Variants in GALNT18 observed in about 807,000 individuals in gnomAD.
GALNT18 encodes GalNAc-transferase 18.
A neutral mutation model predicts 69.5 loss-of-function variants in GALNT18; 44 were observed. That is an observed-to-expected ratio of 0.63 (90% CI 0.50 to 0.81). The LOEUF (loss-of-function observed/expected upper bound fraction) is 0.81, where lower values mean the gene tolerates loss of function less well. Ranked by LOEUF, GALNT18 falls within the 40% of genes least tolerant of loss-of-function variation. The pLI is 0.00. For missense variants in GALNT18, 715 were observed against 810.0 expected, an observed-to-expected ratio of 0.88 and a Z score of 1.42; for synonymous variants, 364 against 318.2, an observed-to-expected ratio of 1.14 and a Z score of -1.53.
Position 11,461,643 on chromosome 11 carries a change from ACAGTGTTCC to A in GALNT18, c.236-12716_236-12708del, listed in dbSNP as rs1237537268. 1.3e-5 allele frequency among the ~76,000 whole-genome samples: 2 copies of A among 152,176 alleles called. No individual in the cohort carries two copies. The highest frequency in any genetic ancestry group is 2.9e-5 in the Non-Finnish European group (2 of 68,034). ...ATACACTACACTGTTCACACATAAAACAGTGTTCCCAGTGTTTCCACACATCAATCTATT... is the reference window on the plus strand; with the variant it reads ...ATACACTACACTGTTCACACATAAAACAGTGTTTCCACACATCAATCTATT... On this transcript the variant is annotated intron_variant, in intron 1 of 10. Coordinates refer to ENST00000227756, the MANE Select transcript of GALNT18 (RefSeq NM_198516.3). This position sits in a 1 kb window ranked among gnomAD's most constrained non-coding sequence, Gnocchi z 4.1.
chr11:11,542,625 T>C lies in GALNT18; in HGVS notation c.235+78734A>G, dbSNP rs551062972. ...ATGTAGAGTAAAGAGGTCAAGAACA[T>C]TGATTCTGGACTTAGGCAGCATGGG... is the stretch of plus-strand genomic sequence containing the variant. On this transcript the variant is annotated intron_variant, in intron 1 of 10. Transcript: ENST00000227756. The surrounding 1 kb of genome is among the most constrained non-coding windows in gnomAD (Gnocchi z 4.3). 1.1e-4 allele frequency among the ~76,000 whole-genome samples: 16 copies of C among 152,358 alleles called. No homozygotes were observed. The highest frequency in any genetic ancestry group is 3.8e-4 in the African/African-American group (16 of 41,586).
At position 11,586,497 on chromosome 11, in the gene GALNT18, A is replaced by G. The variant is rs1433199168; in HGVS notation, c.235+34862T>C. On this transcript the variant is annotated intron_variant, in intron 1 of 10. Transcript: ENST00000227756. This position sits in a 1 kb window ranked among gnomAD's most constrained non-coding sequence, Gnocchi z 4.1. ...AAATTCTACCTGTTCAGGGCCCAGC[A>G]TCCATAACTAGCCCCAGTTTCAGCC... Among the ~76,000 whole-genome samples, 1 of 152,176 alleles carries G rather than the reference A, an allele frequency of 6.6e-6. No homozygotes were observed. Among genetic ancestry groups the G allele is most frequent in the African/African-American group, 2.4e-5 (1 of 41,444 alleles).
At chr11:11,326,687 C>G (rs892610136) in intron 9 of GALNT18, among the ~76,000 whole-genome samples, 1 of 152,200 alleles carries the variant, frequency 6.6e-6, no homozygotes, top group African/African-American at 2.4e-5. Flanking sequence ...TGCCATGGTA[C>G]TCTGAAGGGA....
chr11:11,317,234 A>T (rs777877396), intron 9 of GALNT18, among the ~76,000 whole-genome samples: 4 of 152,244 alleles, frequency 2.6e-5, no homozygotes, highest in Non-Finnish European at 5.9e-5. Flanking sequence ...AGACCTGGGA[A>T]TATCACAACG....
intron 5 of GALNT18, among the ~76,000 whole-genome samples, chr11:11,376,040 C>T (rs540429401): frequency 2.0e-5 from 3 of 152,282 alleles, no homozygotes; most frequent in East Asian, 1.9e-4. Flanking sequence ...TGTTTTATAA[C>T]GGGCAGGACT....
rs1023078041 is a variant in GALNT18 at position 11,511,924 on chromosome 11, C to T, written c.236-62988G>A. Among the ~76,000 whole-genome samples, 4 of 152,076 alleles carry T rather than the reference C, an allele frequency of 2.6e-5. No homozygotes were observed. Among genetic ancestry groups the T allele is most frequent in the African/African-American group, 9.7e-5 (4 of 41,402 alleles). The stretch of plus-strand genomic sequence containing the variant: ...TTTGTAAGCCATCCACTCTATGGTG[C>T]TTTGTTACAGCAGCTCAAACTGATC... On this transcript the variant is annotated intron_variant, in intron 1 of 10. Transcript: ENST00000227756. This position sits in a 1 kb window ranked among gnomAD's most constrained non-coding sequence, Gnocchi z 4.9.
In GALNT18 at chr11:11,270,973, A is replaced by G. The variant is rs981293599; in HGVS notation, c.*171T>C. ...TTTGATATCATACCATCACCTACCA[A>G]TCAGCATCTTTCTATAAACTCCATG... is the stretch of plus-strand genomic sequence containing the variant. On this transcript the variant is annotated 3_prime_UTR_variant, in exon 11 of 11. Coordinates refer to ENST00000227756, the MANE Select transcript of GALNT18 (RefSeq NM_198516.3). The G allele has an allele frequency of 1.1e-5, 6 of 549,746 alleles. No homozygotes were observed. The highest frequency in any genetic ancestry group is 1.9e-5 in the Non-Finnish European group (6 of 315,624). The allele number at this position is 549,746 out of a possible 1,614,324, so 34.1% of individuals were successfully genotyped here. A position where few individuals can be genotyped will look rare whatever the true frequency, so the allele number is the denominator to read the frequency against.
intron 6 of GALNT18, among the ~76,000 whole-genome samples, chr11:11,357,787 A>G (rs1036227248): frequency 3.9e-5 from 6 of 152,202 alleles, no homozygotes; most frequent in East Asian, 1.9e-4. Context: ...TCACTAGAAT[A>G]TAAGTTCTAT....
chr11:11,308,506 T>C (rs1417246716), intron 9 of GALNT18, among the ~76,000 whole-genome samples: 1 of 152,094 alleles, frequency 6.6e-6, no homozygotes, highest in Non-Finnish European at 1.5e-5. Context: ...CCCAGTATCA[T>C]TCCAGGATGG....
At chr11:11,301,553 C>A (rs1218962073) in intron 9 of GALNT18, among the ~76,000 whole-genome samples, 1 of 152,202 alleles carries the variant, frequency 6.6e-6, no homozygotes, top group Admixed American at 6.5e-5. Context: ...GCACCATTCT[C>A]CATTAGTGTG....
chr11:11,327,107 G>A lies in GALNT18; in HGVS notation c.1491C>T (p.Ile497=), dbSNP rs775672652. The change falls in exon 9 of 11, where the codon ATC becomes ATT. Residue 497 remains isoleucine, a synonymous_variant. Coordinates refer to ENST00000227756, the MANE Select transcript of GALNT18 (RefSeq NM_198516.3). ...TCACCTGAGGCGTCATCCCATGGCA[G>A]ATGTACATGATGGGGACATTCTCTG... is the stretch of plus-strand genomic sequence containing the variant. ...PDTENVPIMY[I]CHGMTPQNVY... The A allele has an allele frequency of 2.0e-5, 33 of 1,613,368 alleles. No homozygotes were observed. Among genetic ancestry groups the A allele is most frequent in the African/African-American group, 2.7e-5 (2 of 74,900 alleles).
At chr11:11,519,152 A>G (rs1857342056) in intron 1 of GALNT18, among the ~76,000 whole-genome samples, 1 of 152,248 alleles carries the variant, frequency 6.6e-6, no homozygotes, top group South Asian at 2.1e-4. Context: ...CCTGCTCGCC[A>G]GGCCATAAGC....
At chr11:11,406,956 C>T (rs755371200) in intron 3 of GALNT18, among the ~76,000 whole-genome samples, 6 of 152,176 alleles carry the variant, frequency 3.9e-5, no homozygotes, top group African/African-American at 9.7e-5. Context: ...GGAGGGTTTG[C>T]ACTGAGGTGA....
intron 1 of GALNT18, among the ~76,000 whole-genome samples, chr11:11,466,653 G>C (rs993510562): frequency 4.6e-5 from 7 of 152,202 alleles, no homozygotes; most frequent in African/African-American, 1.7e-4. Context: ...TTTAAAGAAA[G>C]GGTCTGTGGC....
chr11:11,281,153 G>A (rs1315819310), intron 10 of GALNT18, among the ~76,000 whole-genome samples: 4 of 152,156 alleles, frequency 2.6e-5, no homozygotes, highest in South Asian at 2.1e-4. Context: ...AACCAGCCCC[G>A]CTCTCTAATT....
chr11:11,317,689 T>C (rs1295135318), intron 9 of GALNT18, among the ~76,000 whole-genome samples: 1 of 152,260 alleles, frequency 6.6e-6, no homozygotes, highest in Non-Finnish European at 1.5e-5. Context: ...GTAGGTTGTC[T>C]GTTTACTCTG....
chr11:11,486,697 G>T (rs1253626700), intron 1 of GALNT18, among the ~76,000 whole-genome samples: 1 of 152,218 alleles, frequency 6.6e-6, no homozygotes, highest in African/African-American at 2.4e-5. Flanking sequence ...CTTCTAGCAT[G>T]GGGTTTGGCT....
chr11:11,594,685 C>A (rs1859443571), intron 1 of GALNT18, among the ~76,000 whole-genome samples: 1 of 151,758 alleles, frequency 6.6e-6, no homozygotes, highest in African/African-American at 2.4e-5. Context: ...CATAGATATA[C>A]CATATTTGTT....
At chr11:11,483,353 T>C (rs1351453538) in intron 1 of GALNT18, among the ~76,000 whole-genome samples, 1 of 152,212 alleles carries the variant, frequency 6.6e-6, no homozygotes, top group Non-Finnish European at 1.5e-5. Flanking sequence ...TCCTCAGTCA[T>C]AGCACAGCTT....
Sources: gnomAD v4.1 joint callset for allele counts (sites outside exome capture counted in the v4.1 genomes callset) on GRCh38, gnomAD v4.1.1 for gene constraint, Gnocchi (gnomAD v3.1) non-coding constraint, MANE v1.5 for transcripts, NCBI Gene and HGNC (gene_info 2026-07-23, HGNC 2026-07-21) for gene names.